Variants in DNAH17 observed in about 807,000 individuals in gnomAD.
DNAH17 encodes axonemal beta dynein heavy chain 17.
Under a neutral mutation model 485.6 loss-of-function variants are expected in DNAH17, and 376 were observed. The ratio of observed to expected loss-of-function variants is 0.77; its 90% CI spans 0.71 to 0.84. The LOEUF (loss-of-function observed/expected upper bound fraction) is 0.84, where lower values mean the gene tolerates loss of function less well. DNAH17 is among the 40% of genes least tolerant of loss of function. The pLI is 0.00. For synonymous variants in DNAH17, 3,031 were observed against 2,405.9 expected (o/e 1.26, Z -7.60); for missense variants, 6,370 against 5,839.3 (o/e 1.09, Z -2.96).
intron 26 of DNAH17, among the ~76,000 whole-genome samples, chr17:78,512,180 G>A (rs1396428374): frequency 1.3e-5 from 2 of 152,232 alleles, no homozygotes; most frequent in African/African-American, 2.4e-5. Flanking sequence ...GCATAGGTAC[G>A]GATCTCTTGG....
chr17:78,548,056 A>G (rs1277467975), intron 16 of DNAH17, among the ~76,000 whole-genome samples: 1 of 152,134 alleles, frequency 6.6e-6, no homozygotes, highest in Non-Finnish European at 1.5e-5. Context: ...GTTACACAGC[A>G]CTAGTTCTAG....
chr17:78,574,628 C>A, intron 2 of DNAH17, 85 bp downstream of exon 2: 1 of 1,235,254 alleles, frequency 8.1e-7, no homozygotes, highest in Non-Finnish European at 1.1e-6. Flanking sequence ...GGCCCAGGGA[C>A]TCCAGGCTGA....
At position 78,532,708 on chromosome 17, in the gene DNAH17, A is replaced by G. The variant is rs11651537; in HGVS notation, c.2888T>C (p.Ile963Thr). The change falls in exon 20 of 81, where the codon ATA becomes ACA. Residue 963 changes from isoleucine to threonine, a missense_variant. Physicochemically the swap from Ile to Thr is moderately conservative, Grantham distance 89. Transcript: ENST00000389840. ...KMDLEDNTDL[I>T]EMREEVSSLV... The stretch of plus-strand genomic sequence containing the variant: ...GCTGGACACCTCCTCCCTCATCTCT[A>G]TGAGGTCTGTGTTATCTTCCAGGTC... 816,966 of 1,590,510 alleles carry G rather than the reference A, an allele frequency of 0.51. 211,095 individuals carry two copies. The highest frequency in any genetic ancestry group is 0.54 in the Middle Eastern group (3,206 of 5,918).
intron 47 of DNAH17, 73 bp downstream of exon 47, chr17:78,485,477 G>A: frequency 2.8e-6 from 4 of 1,426,208 alleles, no homozygotes; most frequent in Non-Finnish European, 3.8e-6. Flanking sequence ...GGCCTGCAGT[G>A]AGAGGGGACA....
Position 78,426,453 on chromosome 17 carries a change from TTA to T in DNAH17, c.12915+2_12915+3del. 3.1e-6 allele frequency: 5 copies of T among 1,594,208 alleles called. No homozygotes were observed. Among genetic ancestry groups the T allele is most frequent in the Non-Finnish European group, 4.3e-6 (5 of 1,170,406 alleles). Reference sequence around the variant, plus strand: ...GGAAGCCTCTCAGAGAAAACGGCACTTACCCTGATGCGGAGCAGCAGGTCTGC... The same window carrying T: ...GGAAGCCTCTCAGAGAAAACGGCACTCCCTGATGCGGAGCAGCAGGTCTGC... On this transcript the variant is annotated splice_donor_variant and splice_donor_region_variant and intron_variant, in intron 79 of 80. Coordinates refer to ENST00000389840, the MANE Select transcript of DNAH17 (RefSeq NM_173628.4). LOFTEE classifies it high-confidence loss of function.
At chr17:78,545,707 G>A (rs2091742103) in intron 16 of DNAH17, among the ~76,000 whole-genome samples, 1 of 152,122 alleles carries the variant, frequency 6.6e-6, no homozygotes, top group African/African-American at 2.4e-5. Flanking sequence ...ATAATGCTGT[G>A]TTAGCCTTCC....
chr17:78,559,540 C>T (rs1268974421), intron 13 of DNAH17, among the ~76,000 whole-genome samples: 1 of 152,226 alleles, frequency 6.6e-6, no homozygotes, highest in East Asian at 1.9e-4. Context: ...TTCCAGCCAC[C>T]ACCTCCCAGC....
At chr17:78,500,521 T>A (rs1342349510) in intron 35 of DNAH17, 60 bp from the exon 36 acceptor site, 1 of 1,476,760 alleles carries the variant, frequency 6.8e-7, no homozygotes, top group Non-Finnish European at 9.0e-7. Context: ...CTGCTTTTAT[T>A]TTTTTGAGAC....
In DNAH17 at chr17:78,532,696, TC is replaced by T; in HGVS notation, c.2899del (p.Glu967ArgfsTer11). ...ATTGATGACCAGGCTGGACACCTCC[TC>T]CCTCATCTCTATGAGGTCTGTGTTA... is the stretch of plus-strand genomic sequence containing the variant. The part of the protein sequence containing the change: ...EDNTDLIEMR[E>X]EVSSLVINAM... On this transcript the variant is annotated frameshift_variant, in exon 20 of 81. Transcript: ENST00000389840. LOFTEE classifies it high-confidence loss of function. The T allele has an allele frequency of 6.3e-7, 1 of 1,593,234 alleles. No individual in the cohort carries two copies. Among genetic ancestry groups the T allele is most frequent in the Non-Finnish European group, 8.6e-7 (1 of 1,168,738 alleles).
In DNAH17 at chr17:78,575,730, T is replaced by C. The variant is rs544294538; in HGVS notation, c.-25-648A>G. 2.5e-4 allele frequency among the ~76,000 whole-genome samples: 38 copies of C among 151,790 alleles called. No homozygotes were observed. In the South Asian group the frequency reaches 4.4e-3, roughly 17 times the overall value. ...CTCGGGGGTAGGGTTAACTAGAGAA[T>C]TGGGGGGAAGGGATCCCCTTAAAGA... On this transcript the variant is annotated intron_variant, in intron 1 of 80. Coordinates refer to ENST00000389840, the MANE Select transcript of DNAH17 (RefSeq NM_173628.4).
At chr17:78,510,252 G>A (rs1022930432) in intron 27 of DNAH17, 132 bp downstream of exon 27, 3 of 1,324,354 alleles carry the variant, frequency 2.3e-6, no homozygotes, top group Middle Eastern at 2.8e-4. Context: ...CACAGGTTGG[G>A]TAAGAAAGGC....
chr17:78,540,226 T>C (rs971507896), intron 17 of DNAH17, among the ~76,000 whole-genome samples: 1 of 101,946 alleles, frequency 9.8e-6, no homozygotes, highest in Non-Finnish European at 2.1e-5. Context: ...TCTTTGTCTT[T>C]GGTCTGCATG....
chr17:78,487,472 C>T (rs1343845340), intron 44 of DNAH17, among the ~76,000 whole-genome samples: 1 of 152,222 alleles, frequency 6.6e-6, no homozygotes, highest in African/African-American at 2.4e-5. Flanking sequence ...CAGGAAGCTC[C>T]TGTTAACACA....
intron 74 of DNAH17, among the ~76,000 whole-genome samples, chr17:78,434,797 G>A (rs369484272): frequency 3.3e-5 from 5 of 152,180 alleles, no homozygotes; most frequent in Admixed American, 2.0e-4. Context: ...CCTTTGCTAC[G>A]TAGTGACTCC....
In DNAH17 at chr17:78,537,191, G is replaced by A. The variant is rs1164672167; in HGVS notation, c.2859+108C>T. On this transcript the variant is annotated intron_variant, in intron 19 of 80. Transcript: ENST00000389840. ...AGATTCCGTCTCAAAAAAAAAAAAA[G>A]AAAAAAAGAAAAGGTAAACGGCGAA... 4.2e-5 allele frequency: 49 copies of A among 1,175,422 alleles called. No individual in the cohort carries two copies. The African/African-American group carries it at 5.4e-4, about 13-fold the overall frequency. The allele number at this position is 1,175,422 out of a possible 1,614,324, so 72.8% of individuals were successfully genotyped here. A position where few individuals can be genotyped will look rare whatever the true frequency, so the allele number is the denominator to read the frequency against.
At chr17:78,548,124 C>T (rs554618016) in intron 16 of DNAH17, among the ~76,000 whole-genome samples, 1 of 151,882 alleles carries the variant, frequency 6.6e-6, no homozygotes, top group African/African-American at 2.4e-5. Context: ...CTTTCTTAGC[C>T]ATGTCCTTTC....
intron 25 of DNAH17, among the ~76,000 whole-genome samples, chr17:78,517,063 G>C (rs1269654006): frequency 1.3e-5 from 2 of 152,184 alleles, no homozygotes; most frequent in Non-Finnish European, 2.9e-5. Context: ...TTTTGAGACA[G>C]AGTCTCACTC....
Position 78,574,779 on chromosome 17 carries a change from C to T in DNAH17, c.279G>A (p.Arg93=). ...KSENINKDNY[R]ARLLYGDISP... is the part of the protein sequence containing the mutation. Reference sequence around the variant, plus strand: ...TGATGTCGCCGTAAAGGAGCCGGGCCCTGTAGTTGTCCTTGTTGATGTTCT... The same window carrying T: ...TGATGTCGCCGTAAAGGAGCCGGGCTCTGTAGTTGTCCTTGTTGATGTTCT... The change falls in exon 2 of 81, where the codon AGG becomes AGA. Residue 93 remains arginine, a synonymous_variant. Transcript: ENST00000389840. 1 of 1,613,908 alleles carries T rather than the reference C, an allele frequency of 6.2e-7. No individual in the cohort carries two copies. Among genetic ancestry groups the T allele is most frequent in the Non-Finnish European group, 8.5e-7 (1 of 1,179,870 alleles).
chr17:78,510,756 C>CCA (rs1555679599), intron 26 of DNAH17: 3 of 423,420 alleles, frequency 7.1e-6, no homozygotes, highest in Admixed American at 6.8e-5. Flanking sequence ...TTGCGGCCCC[C>CCA]CCGCAAAATT....
Sources: allele counts gnomAD v4.1 joint callset (sites outside exome capture counted in the v4.1 genomes callset), GRCh38; gene constraint gnomAD v4.1.1; transcripts MANE v1.5; gene names NCBI Gene and HGNC (gene_info 2026-07-23, HGNC 2026-07-21).